Variants in CLUAP1 observed in about 807,000 individuals in gnomAD.
The protein encoded by CLUAP1 is intraflagellar transport 38, also known as clusterin-associated protein 1.
Under a neutral mutation model 55.0 loss-of-function variants are expected in CLUAP1, and 50 were observed. The ratio of observed to expected loss-of-function variants is 0.91; its 90% confidence interval spans 0.72 to 1.15. The LOEUF (loss-of-function observed/expected upper bound fraction) is 1.15, where lower values mean the gene tolerates loss of function less well. Ranked by LOEUF, CLUAP1 falls within the 50% of genes most tolerant of loss-of-function variation. CLUAP1 has a pLI of 0.00. For missense variants in CLUAP1, 530 were observed against 507.6 expected (o/e 1.04, Z -0.42); for synonymous variants, 195 against 175.4 (o/e 1.11, Z -0.88).
chr16:3,505,356 C>G (rs1221200305), intron 2 of CLUAP1, among the ~76,000 whole-genome samples: 1 of 151,978 alleles, frequency 6.6e-6, no homozygotes, highest in Admixed American at 6.6e-5. Flanking sequence ...CGGTGAAACC[C>G]CATCTCTATT....
rs569989635 is a variant in CLUAP1 at position 3,532,848 on chromosome 16, C to G, written c.1092+7C>G. 2 of 1,613,862 alleles carry G rather than the reference C, an allele frequency of 1.2e-6. No homozygotes were observed. Among genetic ancestry groups the G allele is most frequent in the South Asian group, 2.2e-5 (2 of 91,066 alleles). ...TGGAGACTCCGATGACAATGTAAGT[C>G]CCCCGCTCCCCTCAGTGGTTCTGTG... is the stretch of plus-strand genomic sequence containing the variant. On this transcript the variant is annotated splice_region_variant and intron_variant, in intron 11 of 11. Transcript: ENST00000576634.
chr16:3,520,371 C>T (rs12444950), intron 7 of CLUAP1, among the ~76,000 whole-genome samples: 2 of 151,710 alleles, frequency 1.3e-5, no homozygotes, highest in Admixed American at 1.3e-4. Flanking sequence ...GGCCGAGTAA[C>T]AGAACAAGGC....
chr16:3,499,311 C>G (rs1410802129), upstream of CLUAP1, among the ~76,000 whole-genome samples: 1 of 152,222 alleles, frequency 6.6e-6, no homozygotes, highest in Admixed American at 6.5e-5. Context: ...TGCCACTGCA[C>G]TCCAGCCTGG....
intron 11 of CLUAP1, chr16:3,533,199 G>C: frequency 2.0e-6 from 3 of 1,490,550 alleles, no homozygotes; most frequent in Non-Finnish European, 2.7e-6. Context: ...GTGTCTGTCA[G>C]CCCTCCCGGG....
upstream of CLUAP1, among the ~76,000 whole-genome samples, chr16:3,500,682 A>T (rs978004783): frequency 6.6e-6 from 1 of 152,002 alleles, no homozygotes; most frequent in Non-Finnish European, 1.5e-5. Flanking sequence ...AGCATCGTGC[A>T]TTCTTTATAG....
At chr16:3,524,909 A>G (rs1015362179) in intron 8 of CLUAP1, among the ~76,000 whole-genome samples, 3 of 152,226 alleles carry the variant, frequency 2.0e-5, no homozygotes, top group Non-Finnish European at 2.9e-5. Context: ...GAGAATGGTC[A>G]TTTAGACTCC....
At chr16:3,517,835 C>T (rs77537883) in intron 6 of CLUAP1, among the ~76,000 whole-genome samples, 2,658 of 152,304 alleles carry the variant, frequency 0.017, 89 homozygotes, top group African/African-American at 0.057. Context: ...ACAGATTAAC[C>T]AGCCTGTATG....
At chr16:3,513,023 G>A (rs2037662359) in intron 5 of CLUAP1, among the ~76,000 whole-genome samples, 2 of 152,150 alleles carry the variant, frequency 1.3e-5, no homozygotes, top group South Asian at 2.1e-4. Flanking sequence ...CAGCTCCATG[G>A]CATGTGACTG....
upstream of CLUAP1, chr16:3,496,321 T>A (rs368031161): frequency 2.8e-5 from 31 of 1,097,542 alleles, no homozygotes; most frequent in Non-Finnish European, 3.9e-5. Flanking sequence ...CCAGACGAAC[T>A]AACTCCACAT....
Position 3,527,859 on chromosome 16 carries a change from C to T in CLUAP1, c.928+1375C>T, listed in dbSNP as rs187119005. Among the ~76,000 whole-genome samples, 1,187 of 152,272 alleles carry T rather than the reference C, an allele frequency of 7.8e-3. 12 individuals carry two copies. Among genetic ancestry groups the T allele is most frequent in the South Asian group, 0.025 (119 of 4,820 alleles). On this transcript the variant is annotated intron_variant, in intron 9 of 11. Transcript: ENST00000576634. ...GGAAGGGCCCCCTGTCCAGTGGATA[C>T]GTGACCCATGTGACCTTACCTATCA...
At chr16:3,502,386 G>C (rs150264700) in intron 1 of CLUAP1, among the ~76,000 whole-genome samples, 2,278 of 151,194 alleles carry the variant, frequency 0.015, 33 homozygotes, top group East Asian at 0.04. Context: ...AGAGGTTGCA[G>C]TGAGCCAAGA....
At chr16:3,515,016 A>T (rs2037702921) in intron 5 of CLUAP1, among the ~76,000 whole-genome samples, 1 of 152,106 alleles carries the variant, frequency 6.6e-6, no homozygotes, top group Admixed American at 6.6e-5. Context: ...ACTGAGAGGG[A>T]CTTCATGCTA....
At chr16:3,524,132 C>G (rs1041816696) in intron 8 of CLUAP1, among the ~76,000 whole-genome samples, 1 of 151,778 alleles carries the variant, frequency 6.6e-6, no homozygotes, top group African/African-American at 2.4e-5. Flanking sequence ...GACCCTGTCT[C>G]TACAAAGAAG....
At chr16:3,528,766 A>T (rs900970244) in intron 9 of CLUAP1, among the ~76,000 whole-genome samples, 1 of 152,180 alleles carries the variant, frequency 6.6e-6, no homozygotes, top group African/African-American at 2.4e-5. Flanking sequence ...ATTTTTGTAT[A>T]TGGTGTGAGA....
Position 3,537,359 on chromosome 16 carries a change from T to C in CLUAP1, c.*1088T>C, listed in dbSNP as rs556405465. 1 of 152,290 alleles carries C rather than the reference T, an allele frequency of 6.6e-6. No individual in the cohort carries two copies. The highest frequency in any genetic ancestry group is 1.5e-5 in the Non-Finnish European group (1 of 68,020). The allele number at this position is 152,290 out of a possible 1,614,324, so 9.4% of individuals were successfully genotyped here. A position where few individuals can be genotyped will look rare whatever the true frequency, so the allele number is the denominator to read the frequency against. ...GAGTTGGTTTTTTTCTTTTTTCTTC[T>C]TCTTTTTTTTTAATATGAAAAGTAC... On this transcript the variant is annotated 3_prime_UTR_variant, in exon 12 of 12. Transcript: ENST00000576634.
chr16:3,530,108 G>C (rs1309341458), intron 9 of CLUAP1, among the ~76,000 whole-genome samples: 4 of 150,932 alleles, frequency 2.7e-5, no homozygotes, highest in African/African-American at 9.8e-5. Context: ...AAGAGAGGGC[G>C]AGAGAGAGCA....
chr16:3,536,164 G>T lies in CLUAP1; in HGVS notation c.1135G>T (p.Asp379Tyr). ...ESEIDMEDDD[D>Y]EDDDLEDESI... ...TGAAATTGACATGGAAGATGATGAT[G>T]ACGAGGATGACGATTTGGAAGACGA... is the stretch of plus-strand genomic sequence containing the variant. Residue 379 changes from aspartate to tyrosine, a missense_variant, in exon 12 of 12, where the codon GAC becomes TAC. Physicochemically the swap from Asp to Tyr is radical, Grantham distance 160. Transcript: ENST00000576634. The T allele has an allele frequency of 6.2e-7, 1 of 1,614,116 alleles. No individual in the cohort carries two copies. The highest frequency in any genetic ancestry group is 2.2e-5 in the East Asian group (1 of 44,866).
At chr16:3,505,211 C>T (rs2037479290) in intron 2 of CLUAP1, among the ~76,000 whole-genome samples, 1 of 151,812 alleles carries the variant, frequency 6.6e-6, no homozygotes, top group African/African-American at 2.4e-5. Flanking sequence ...GCACACCAGC[C>T]CGGGCAGATT....
intron 8 of CLUAP1, among the ~76,000 whole-genome samples, chr16:3,525,231 G>A (rs1017815190): frequency 6.6e-6 from 1 of 152,180 alleles, no homozygotes; most frequent in Non-Finnish European, 1.5e-5. Context: ...ACCTGGGAAA[G>A]AACAGTCAAG....
Sources: gnomAD v4.1 joint callset for allele counts (sites outside exome capture counted in the v4.1 genomes callset) on GRCh38, gnomAD v4.1.1 for gene constraint, MANE v1.5 for transcripts, NCBI Gene and HGNC (gene_info 2026-07-23, HGNC 2026-07-21) for gene names.